KCNIP4: variants seen among roughly 807,000 people sequenced by gnomAD.
The protein encoded by KCNIP4 is potassium voltage-gated channel interacting protein 4.
Under a neutral mutation model 34.0 loss-of-function variants are expected in KCNIP4, and 12 were observed. The observed-to-expected ratio is 0.35, with a 90% CI of 0.23 to 0.57. The LOEUF is 0.57. KCNIP4 is among the 20% of genes least tolerant of loss of function. KCNIP4 has a pLI of 0.83. For synonymous variants in KCNIP4, 124 were observed against 102.2 expected, an observed-to-expected ratio of 1.21 and a Z score of -1.29; for missense variants, 238 against 311.7, an observed-to-expected ratio of 0.76 and a Z score of 1.78.
At chr4:21,539,019 G>A (rs1737461498) in intron 1 of KCNIP4, among the ~76,000 whole-genome samples, 1 of 152,084 alleles carries the variant, frequency 6.6e-6, no homozygotes, top group African/African-American at 2.4e-5. Flanking sequence ...AAGATCTGAT[G>A]GCTTAAAAGT....
intron 1 of KCNIP4, among the ~76,000 whole-genome samples, chr4:21,712,691 C>T (rs76101285): frequency 0.028 from 4,333 of 152,216 alleles, 117 homozygotes; most frequent in Middle Eastern, 0.048. Flanking sequence ...TTTCCATACA[C>T]GTTTACTCCG....
At chr4:21,875,939 T>C (rs1726085007) in intron 1 of KCNIP4, among the ~76,000 whole-genome samples, 1 of 152,164 alleles carries the variant, frequency 6.6e-6, no homozygotes, top group Admixed American at 6.6e-5. Flanking sequence ...TAAAATACAT[T>C]CAAATTATGG....
intron 1 of KCNIP4, among the ~76,000 whole-genome samples, chr4:20,930,838 T>TAAAA (rs34828281): frequency 6.9e-6 from 1 of 144,260 alleles, no homozygotes. Context: ...ATGGCTATTA[T>TAAAA]AAAAAAAAAA....
At chr4:21,054,051 G>GATATTGACAAAATGTAA (rs1743177473) in intron 1 of KCNIP4, among the ~76,000 whole-genome samples, 2 of 151,340 alleles carry the variant, frequency 1.3e-5, no homozygotes, top group African/African-American at 4.9e-5. Flanking sequence ...ACAAAATGTA[G>GATATTGACAAAATGTAA]ATACTGACAA....
At chr4:20,909,536 G>A (rs1028499461) in intron 1 of KCNIP4, among the ~76,000 whole-genome samples, 2 of 152,100 alleles carry the variant, frequency 1.3e-5, no homozygotes, top group Non-Finnish European at 2.9e-5. Context: ...GCTTCCATTA[G>A]GGAGCTTGGA....
intron 1 of KCNIP4, among the ~76,000 whole-genome samples, chr4:21,692,406 G>A (rs532312794): frequency 1.3e-5 from 2 of 152,148 alleles, no homozygotes; most frequent in Non-Finnish European, 2.9e-5. Flanking sequence ...CCCCACAAAC[G>A]TCCCTTTAAT....
chr4:21,139,299 A>G (rs1288813843), intron 1 of KCNIP4, among the ~76,000 whole-genome samples: 1 of 152,240 alleles, frequency 6.6e-6, no homozygotes, highest in African/African-American at 2.4e-5. Context: ...AGATAAGACA[A>G]AAATAGAAAC....
Position 21,790,679 on chromosome 4 carries a change from T to G in KCNIP4, c.61+157892A>C, listed in dbSNP as rs1471856141. On this transcript the variant is annotated intron_variant, in intron 1 of 8. Transcript: ENST00000382152. ...AAATTTCCACACTGTACTCATAAAGTACCTTTGCAATTCTGAAAGATGCTT... is the reference window on the plus strand; with the variant it reads ...AAATTTCCACACTGTACTCATAAAGGACCTTTGCAATTCTGAAAGATGCTT... Among the ~76,000 whole-genome samples, 4 of 152,092 alleles carry G rather than the reference T, an allele frequency of 2.6e-5. No individual in the cohort carries two copies. The East Asian group carries it at 7.7e-4, about 29-fold the overall frequency.
intron 5 of KCNIP4, among the ~76,000 whole-genome samples, chr4:20,746,549 T>C (rs1752468428): frequency 6.6e-6 from 1 of 152,206 alleles, no homozygotes; most frequent in South Asian, 2.1e-4. Flanking sequence ...AACTGATAAC[T>C]GCTATAGTTA....
intron 1 of KCNIP4, among the ~76,000 whole-genome samples, chr4:20,914,023 G>C (rs899197634): frequency 1.3e-5 from 2 of 152,086 alleles, no homozygotes; most frequent in African/African-American, 2.4e-5. Context: ...CAGGTGTGGT[G>C]GTGGGTGCCT....
chr4:21,396,294 G>A (rs957707145), intron 1 of KCNIP4, among the ~76,000 whole-genome samples: 3 of 151,898 alleles, frequency 2.0e-5, no homozygotes, highest in East Asian at 3.9e-4. Flanking sequence ...GGTGGCTCAC[G>A]CCTGTAATCC....
intron 1 of KCNIP4, among the ~76,000 whole-genome samples, chr4:21,037,468 T>G (rs2149773343): frequency 6.6e-6 from 1 of 152,362 alleles, no homozygotes; most frequent in East Asian, 1.9e-4. Flanking sequence ...CCTGCGATAC[T>G]CATACAATAG....
intron 1 of KCNIP4, among the ~76,000 whole-genome samples, chr4:21,327,556 A>G (rs777095452): frequency 2.0e-5 from 3 of 152,034 alleles, no homozygotes; most frequent in Non-Finnish European, 2.9e-5. Flanking sequence ...TTGATGTTCT[A>G]TAAGCTTCTT....
intron 1 of KCNIP4, among the ~76,000 whole-genome samples, chr4:21,720,075 AAC>A (rs1714697762): frequency 6.6e-6 from 1 of 151,862 alleles, no homozygotes; most frequent in South Asian, 2.1e-4. Context: ...AGAAAAAAAA[AAC>A]AGGGCTACTG....
At chr4:20,748,727 A>T (rs1752972592) in intron 5 of KCNIP4, among the ~76,000 whole-genome samples, 1 of 149,952 alleles carries the variant, frequency 6.7e-6, no homozygotes, top group Non-Finnish European at 1.5e-5. Context: ...TAAATGAGGT[A>T]TACATTTCTC....
chr4:21,188,746 T>A (rs962752475), intron 1 of KCNIP4, among the ~76,000 whole-genome samples: 1 of 152,210 alleles, frequency 6.6e-6, no homozygotes, highest in African/African-American at 2.4e-5. Context: ...GAAGGAAACT[T>A]CATAGCATTA....
chr4:21,536,992 C>G (rs1737231214), intron 1 of KCNIP4, among the ~76,000 whole-genome samples: 1 of 152,094 alleles, frequency 6.6e-6, no homozygotes, highest in African/African-American at 2.4e-5. Flanking sequence ...TTCTACCCCT[C>G]AAACATTTAC....
intron 1 of KCNIP4, among the ~76,000 whole-genome samples, chr4:21,272,081 G>A (rs1029342894): frequency 1.8e-4 from 27 of 152,066 alleles, no homozygotes; most frequent in Non-Finnish European, 2.8e-4. Flanking sequence ...AGTTTATTTC[G>A]TGCAGTTTTA....
chr4:21,653,408 G>T (rs1282314698), intron 1 of KCNIP4, among the ~76,000 whole-genome samples: 1 of 152,202 alleles, frequency 6.6e-6, no homozygotes, highest in Non-Finnish European at 1.5e-5. Flanking sequence ...CAGGACAGGA[G>T]TTGGAACAGT....
Sources: gnomAD v4.1 joint callset for allele counts (sites outside exome capture counted in the v4.1 genomes callset) on GRCh38, gnomAD v4.1.1 for gene constraint, MANE v1.5 for transcripts, NCBI Gene and HGNC (gene_info 2026-07-23, HGNC 2026-07-21) for gene names.